Variants in PPM1L observed in about 807,000 individuals in gnomAD.
PPM1L encodes the protein protein phosphatase, Mg2+/Mn2+ dependent 1L, also known as protein phosphatase 1L.
In PPM1L, 13 loss-of-function variants were observed where a neutral mutation model predicts 31.4. The observed-to-expected ratio is 0.41, with a 90% CI of 0.27 to 0.66. The LOEUF is 0.66. Among genes scored for constraint, PPM1L ranks in the 30% least tolerant of loss-of-function variants. The probability of loss-of-function intolerance (pLI) is 0.29; values close to 1 mark genes in which losing one functional copy is unlikely to be tolerated. For synonymous variants in PPM1L, 184 were observed against 175.4 expected, an observed-to-expected ratio of 1.05 and a Z score of -0.39; for missense variants, 326 against 453.7, an observed-to-expected ratio of 0.72 and a Z score of 2.56.
chr3:161,052,534 C>T (rs979903407), intron 2 of PPM1L, among the ~76,000 whole-genome samples: 6 of 152,192 alleles, frequency 3.9e-5, no homozygotes, highest in Admixed American at 1.3e-4. Context: ...AAAAGCTGAG[C>T]ATAACTATTT....
At chr3:160,924,790 T>G (rs1714530367) in intron 1 of PPM1L, among the ~76,000 whole-genome samples, 1 of 152,176 alleles carries the variant, frequency 6.6e-6, no homozygotes. Flanking sequence ...CTTCTCCATA[T>G]AGGACAGAGA....
At chr3:160,891,943 T>C (rs1007785577) in intron 1 of PPM1L, among the ~76,000 whole-genome samples, 3 of 151,838 alleles carry the variant, frequency 2.0e-5, no homozygotes. Flanking sequence ...GGGAGTTGAA[T>C]AATGAGAACA....
intron 2 of PPM1L, among the ~76,000 whole-genome samples, chr3:161,011,238 A>T (rs577031936): frequency 3.9e-5 from 6 of 152,252 alleles, no homozygotes; most frequent in East Asian, 3.9e-4. Context: ...TACATATGGC[A>T]AGCCAGTTTT....
chr3:160,959,927 C>T (rs576728316), intron 1 of PPM1L, among the ~76,000 whole-genome samples: 1 of 151,878 alleles, frequency 6.6e-6, no homozygotes, highest in African/African-American at 2.4e-5. Context: ...GCTAAATACA[C>T]TATATATATA....
chr3:161,010,728 A>T (rs1242651447), intron 2 of PPM1L, among the ~76,000 whole-genome samples: 1 of 152,200 alleles, frequency 6.6e-6, no homozygotes, highest in African/African-American at 2.4e-5. Context: ...AACTGGTGTG[A>T]GATGGTATCT....
intron 1 of PPM1L, among the ~76,000 whole-genome samples, chr3:160,796,901 A>T (rs1712265037): frequency 1.3e-5 from 2 of 152,186 alleles, no homozygotes; most frequent in Middle Eastern, 3.4e-3. Flanking sequence ...GAAGCCAGTT[A>T]TTTCCAAATA....
At chr3:160,930,294 G>C (rs1714740699) in intron 1 of PPM1L, among the ~76,000 whole-genome samples, 1 of 151,966 alleles carries the variant, frequency 6.6e-6, no homozygotes, top group South Asian at 2.1e-4. Context: ...AAACTGTGAA[G>C]TGCTACACAA....
chr3:161,048,026 G>A (rs918860888), intron 2 of PPM1L, among the ~76,000 whole-genome samples: 2 of 152,126 alleles, frequency 1.3e-5, no homozygotes, highest in Non-Finnish European at 2.9e-5. Context: ...CATAGGCATG[G>A]GCAAGGACTT....
chr3:161,075,871 T>A lies in PPM1L; in HGVS notation c.*6714T>A, dbSNP rs1348774863. ...TTTTTTTCTGATGAAAATGGATACA[T>A]GAGATCTCATTTATTGCTCTCCTCA... On this transcript the variant is annotated 3_prime_UTR_variant, in exon 4 of 4. Coordinates refer to ENST00000498165, the MANE Select transcript of PPM1L (RefSeq NM_139245.4). The A allele has an allele frequency of 6.6e-6, 1 of 152,186 alleles. No individual in the cohort carries two copies. Among genetic ancestry groups the A allele is most frequent in the East Asian group, 1.9e-4 (1 of 5,190 alleles). The allele number at this position is 152,186 out of a possible 1,614,324, so 9.4% of individuals were successfully genotyped here. A position where few individuals can be genotyped will look rare whatever the true frequency, so the allele number is the denominator to read the frequency against.
At chr3:160,936,253 C>A (rs1430535438) in intron 1 of PPM1L, among the ~76,000 whole-genome samples, 2 of 152,074 alleles carry the variant, frequency 1.3e-5, no homozygotes, top group African/African-American at 2.4e-5. Flanking sequence ...CCACGCCCGG[C>A]TAATATTTTT....
intron 1 of PPM1L, among the ~76,000 whole-genome samples, chr3:160,843,999 ATGTAGTTTATGTGTAACTC>A (rs1713992548): frequency 6.6e-6 from 1 of 152,188 alleles, no homozygotes; most frequent in Non-Finnish European, 1.5e-5. Context: ...GCTATTGTTA[ATGTAGTTTATGTGTAACTC>A]AAGCCAATTA....
chr3:160,830,629 G>A (rs1448288996), intron 1 of PPM1L, among the ~76,000 whole-genome samples: 1 of 152,066 alleles, frequency 6.6e-6, no homozygotes, highest in Non-Finnish European at 1.5e-5. Context: ...AAATTTTATG[G>A]TTTCAAGATT....
chr3:160,767,525 G>T (rs774039682), intron 1 of PPM1L, among the ~76,000 whole-genome samples: 2 of 152,142 alleles, frequency 1.3e-5, no homozygotes, highest in East Asian at 3.9e-4. Flanking sequence ...GTGAGCCACT[G>T]CACCCAGCCT....
chr3:161,065,691 A>C (rs1174513269), intron 3 of PPM1L, 127 bp downstream of exon 3: 10 of 707,100 alleles, frequency 1.4e-5, no homozygotes, highest in Non-Finnish European at 2.2e-5. Flanking sequence ...GAGGTAACTG[A>C]GATTGACTTT....
At chr3:160,774,408 G>T (rs1336817211) in intron 1 of PPM1L, among the ~76,000 whole-genome samples, 2 of 151,950 alleles carry the variant, frequency 1.3e-5, no homozygotes, top group Non-Finnish European at 2.9e-5. Flanking sequence ...TTTGTCTCTG[G>T]CATCTCTCTT....
At chr3:160,870,350 T>A (rs1224783376) in intron 1 of PPM1L, among the ~76,000 whole-genome samples, 1 of 152,240 alleles carries the variant, frequency 6.6e-6, no homozygotes, top group Admixed American at 6.5e-5. Flanking sequence ...TAGAAGATTG[T>A]TTATTTGCTA....
At chr3:160,786,149 CTCTCTCTCTGTG>C (rs1426219987) in intron 1 of PPM1L, among the ~76,000 whole-genome samples, 20 of 89,040 alleles carry the variant, frequency 2.2e-4, no homozygotes, top group African/African-American at 1.4e-3. Context: ...CTCTCTCTCT[CTCTCTCTCTGTG>C]TGTGTGTGTG....
intron 1 of PPM1L, among the ~76,000 whole-genome samples, chr3:160,848,333 T>C (rs951599795): frequency 2.6e-5 from 4 of 152,176 alleles, no homozygotes; most frequent in African/African-American, 9.7e-5. Flanking sequence ...CTGAAACTGC[T>C]CTTGCTGGGT....
intron 1 of PPM1L, among the ~76,000 whole-genome samples, chr3:160,945,428 A>T (rs986093771): frequency 6.6e-6 from 1 of 152,082 alleles, no homozygotes; most frequent in African/African-American, 2.4e-5. Flanking sequence ...GTCTCATCTC[A>T]TGTGCTAACT....
Sources: gnomAD v4.1 joint callset for allele counts (sites outside exome capture counted in the v4.1 genomes callset) on GRCh38, gnomAD v4.1.1 for gene constraint, MANE v1.5 for transcripts, NCBI Gene and HGNC (gene_info 2026-07-23, HGNC 2026-07-21) for gene names.